PRSS23: variants seen among roughly 807,000 people sequenced by gnomAD.
PRSS23 encodes the protein protease, serine 23.
In PRSS23, 25 loss-of-function variants were observed where a neutral mutation model predicts 34.7. That is an observed-to-expected ratio of 0.72 (90% confidence interval 0.53 to 1.01). PRSS23 has a LOEUF of 1.01. Ranked by LOEUF, PRSS23 falls within the 50% of genes least tolerant of loss-of-function variation. The pLI, the probability that PRSS23 is intolerant of heterozygous loss-of-function variation, is 0.00. For synonymous variants in PRSS23, 176 were observed against 186.6 expected, an observed-to-expected ratio of 0.94 and a Z score of 0.46; for missense variants, 445 against 475.6, an observed-to-expected ratio of 0.94 and a Z score of 0.60.
upstream of PRSS23, among the ~76,000 whole-genome samples, chr11:86,799,036 T>C (rs1312416489): frequency 6.6e-6 from 1 of 152,140 alleles, no homozygotes; most frequent in South Asian, 2.1e-4. Flanking sequence ...AAGAAAACAA[T>C]TGAAGCTAAG....
chr11:86,951,908 T>C (rs546558127), exon 3 of PRSS23: 1 of 1,613,736 alleles, frequency 6.2e-7, no homozygotes, highest in African/African-American at 1.3e-5. Flanking sequence ...CTCTTCAAAA[T>C]CACAGGATAT....
intron 2 of PRSS23, among the ~76,000 whole-genome samples, chr11:86,862,535 A>G (rs967412353): frequency 2.6e-5 from 4 of 151,830 alleles, no homozygotes; most frequent in African/African-American, 9.7e-5. Context: ...TGTTATTCCT[A>G]ATGTCACAGC....
In PRSS23 at chr11:86,873,248, A is replaced by ACATATATGTG. The variant is rs1555077249; in HGVS notation, c.206+49655_206+49656insCATATATGTG. On this transcript the variant is annotated intron_variant, in intron 2 of 2. Coordinates refer to the PRSS23 transcript ENST00000533902. ...TGTATATATATATACACACACACACATATATATGTATATATATATACACAC... is the reference window on the plus strand; with the variant it reads ...TGTATATATATATACACACACACACACATATATGTGTATATATGTATATATATATACACAC... 6.1e-3 allele frequency among the ~76,000 whole-genome samples: 328 copies of ACATATATGTG among 53,376 alleles called. 3 individuals are homozygous for ACATATATGTG. Among genetic ancestry groups the ACATATATGTG allele is most frequent in the African/African-American group, 0.025 (280 of 11,062 alleles). The allele number at this position is 53,376 out of a possible 152,430, so 35.0% of individuals were successfully genotyped here. A position where few individuals can be genotyped will look rare whatever the true frequency, so the allele number is the denominator to read the frequency against.
chr11:86,872,981 C>T (rs1948694879), intron 2 of PRSS23, among the ~76,000 whole-genome samples: 1 of 152,044 alleles, frequency 6.6e-6, no homozygotes, highest in Admixed American at 6.6e-5. Context: ...GAACTCAGTT[C>T]TCATCATTCA....
At chr11:86,865,345 G>T (rs995834950) in intron 2 of PRSS23, among the ~76,000 whole-genome samples, 10 of 152,176 alleles carry the variant, frequency 6.6e-5, no homozygotes, top group Admixed American at 2.6e-4. Flanking sequence ...AATGACTAGG[G>T]TTATTATATC....
At chr11:86,798,136 C>T (rs1015468107), upstream of PRSS23, among the ~76,000 whole-genome samples, 15 of 152,152 alleles carry the variant, frequency 9.9e-5, no homozygotes, top group Non-Finnish European at 1.9e-4. Context: ...ACCTCCAGTT[C>T]CTCTATTAAG....
chr11:86,900,779 C>G (rs7119641), intron 2 of PRSS23, among the ~76,000 whole-genome samples: 17 of 71,096 alleles, frequency 2.4e-4, no homozygotes, highest in South Asian at 4.8e-4. Flanking sequence ...TTATCTCTCT[C>G]TCTTTTTTTT....
intron 2 of PRSS23, among the ~76,000 whole-genome samples, chr11:86,917,691 C>G (rs1332382944): frequency 6.6e-6 from 1 of 152,238 alleles, no homozygotes; most frequent in Non-Finnish European, 1.5e-5. Flanking sequence ...TATCATCCCA[C>G]AGTGGCTGTG....
At chr11:86,890,753 G>T (rs943898435) in intron 2 of PRSS23, among the ~76,000 whole-genome samples, 2 of 152,048 alleles carry the variant, frequency 1.3e-5, no homozygotes, top group African/African-American at 4.8e-5. Context: ...CTGTTTGCAA[G>T]TGGTTGCAGT....
intron 1 of PRSS23, among the ~76,000 whole-genome samples, chr11:86,822,108 AG>A: frequency 6.6e-6 from 1 of 152,300 alleles, no homozygotes; most frequent in Middle Eastern, 3.4e-3. Flanking sequence ...AGCACATAAT[AG>A]GGGTTCATTT....
intron 2 of PRSS23, among the ~76,000 whole-genome samples, chr11:86,831,404 C>A (rs1363205943): frequency 1.3e-5 from 2 of 151,376 alleles, no homozygotes; most frequent in East Asian, 1.9e-4. Context: ...TTTGTAATAT[C>A]CTAGTGGGAT....
At chr11:86,878,357 T>C (rs1948740459) in intron 2 of PRSS23, among the ~76,000 whole-genome samples, 1 of 150,256 alleles carries the variant, frequency 6.7e-6, no homozygotes, top group African/African-American at 2.4e-5. Flanking sequence ...CACTGCAGCC[T>C]CCCTGCCTGA....
chr11:86,950,747 G>GTTAAAAAAGT (rs1344605261), intron 2 of PRSS23: 1 of 279,390 alleles, frequency 3.6e-6, no homozygotes, highest in African/African-American at 2.2e-5. Context: ...ATGGTAAAGG[G>GTTAAAAAAGT]TTAAAAAAGT....
At chr11:86,915,479 A>G (rs1485433585) in intron 2 of PRSS23, among the ~76,000 whole-genome samples, 1 of 151,192 alleles carries the variant, frequency 6.6e-6, no homozygotes, top group African/African-American at 2.4e-5. Flanking sequence ...AGATAATGTA[A>G]GAAAAGAGGC....
At position 86,808,860 on chromosome 11, in the gene PRSS23, GT is replaced by G; in HGVS notation, c.*71del. The G allele has an allele frequency of 2.1e-6, 3 of 1,419,164 alleles. No homozygotes were observed. Among genetic ancestry groups the G allele is most frequent in the Non-Finnish European group, 2.9e-6 (3 of 1,037,372 alleles). The allele number at this position is 1,419,164 out of a possible 1,614,324, so 87.9% of individuals were successfully genotyped here. A position where few individuals can be genotyped will look rare whatever the true frequency, so the allele number is the denominator to read the frequency against. On this transcript the variant is annotated 3_prime_UTR_variant, in exon 2 of 2. Transcript: ENST00000280258. ...TTCTTATTTTAGGAGAGGCCAAATT[GT>G]TTTTTGTCATTGGCGTGCACACGTG...
chr11:86,917,481 G>C (rs922868865), intron 2 of PRSS23, among the ~76,000 whole-genome samples: 1 of 152,174 alleles, frequency 6.6e-6, no homozygotes, highest in African/African-American at 2.4e-5. Flanking sequence ...CAGTTTCCTT[G>C]TCCACAAAAT....
chr11:86,801,409 C>G (rs181072011), intron 1 of PRSS23, among the ~76,000 whole-genome samples: 83 of 152,364 alleles, frequency 5.4e-4, no homozygotes, highest in Non-Finnish European at 1.0e-3. Flanking sequence ...TCCAGCACCT[C>G]AGGAGAAAGC....
At chr11:86,920,157 T>A (rs1442641474) in intron 2 of PRSS23, among the ~76,000 whole-genome samples, 2 of 152,222 alleles carry the variant, frequency 1.3e-5, no homozygotes, top group African/African-American at 4.8e-5. Context: ...CTGAAGATTT[T>A]ACTGTTTTCC....
At chr11:86,812,025 T>C (rs1948182248), downstream of PRSS23, among the ~76,000 whole-genome samples, 1 of 152,230 alleles carries the variant, frequency 6.6e-6, no homozygotes, top group Non-Finnish European at 1.5e-5. Context: ...TGAAGTTGCC[T>C]CTGACCATTG....
Sources: allele counts gnomAD v4.1 joint callset (sites outside exome capture counted in the v4.1 genomes callset), GRCh38; gene constraint gnomAD v4.1.1; transcripts MANE v1.5; gene names NCBI Gene and HGNC (gene_info 2026-07-23, HGNC 2026-07-21).